The following CNTNAP2 variants were observed in gnomAD, a reference collection of about 807,000 sequenced individuals.
The protein encoded by CNTNAP2 is contactin associated protein 2, also known as contactin-associated protein-like 2.
CNTNAP2 carries 98 observed loss-of-function variants against 155.2 expected under a neutral mutation model. The ratio of observed to expected loss-of-function variants is 0.63; its 90% confidence interval spans 0.54 to 0.75. The LOEUF (loss-of-function observed/expected upper bound fraction) is 0.75, where lower values mean the gene tolerates loss of function less well. Ranked by LOEUF, CNTNAP2 falls within the 30% of genes least tolerant of loss-of-function variation. CNTNAP2 has a pLI of 0.00. For missense variants in CNTNAP2, 1,727 were observed against 1,688.1 expected, an observed-to-expected ratio of 1.02 and a Z score of -0.40; for synonymous variants, 651 against 631.2, an observed-to-expected ratio of 1.03 and a Z score of -0.47.
At position 147,126,607 on chromosome 7, in the gene CNTNAP2, G is replaced by A. The variant is rs138311209; in HGVS notation, c.940-2086G>A. Among the ~76,000 whole-genome samples, 1,516 of 152,202 alleles carry A rather than the reference G, an allele frequency of 1.0e-2. 10 individuals carry two copies. The highest frequency in any genetic ancestry group is 0.015 in the Non-Finnish European group (993 of 68,012). On this transcript the variant is annotated intron_variant, in intron 6 of 23. Transcript: ENST00000361727. ...TCCTGTTTCAGCCTCCCAAATAGCTGGGATTACAGGCATGCACCACCACGC... is the reference window on the plus strand; with the variant it reads ...TCCTGTTTCAGCCTCCCAAATAGCTAGGATTACAGGCATGCACCACCACGC...
intron 1 of CNTNAP2, among the ~76,000 whole-genome samples, chr7:146,166,136 C>A (rs963696334): frequency 2.6e-5 from 4 of 152,108 alleles, no homozygotes; most frequent in Non-Finnish European, 5.9e-5. Context: ...TCTTGTTGCC[C>A]AGGCTGGAGT....
At chr7:146,915,222 G>T (rs372147549) in intron 3 of CNTNAP2, among the ~76,000 whole-genome samples, 1 of 152,076 alleles carries the variant, frequency 6.6e-6, no homozygotes. Flanking sequence ...TGGCCTTATA[G>T]TATAGGTTGA....
At chr7:146,473,491 C>A (rs944863729) in intron 1 of CNTNAP2, among the ~76,000 whole-genome samples, 2 of 152,012 alleles carry the variant, frequency 1.3e-5, no homozygotes, top group Non-Finnish European at 2.9e-5. Flanking sequence ...CTCAGGAAAC[C>A]AAATAACTCA....
intron 21 of CNTNAP2, among the ~76,000 whole-genome samples, chr7:148,303,488 A>C (rs1797431675): frequency 6.6e-6 from 1 of 152,324 alleles, no homozygotes; most frequent in East Asian, 1.9e-4. Flanking sequence ...CTGCTAGTAC[A>C]TAAGTCCCTC....
chr7:146,638,044 G>T (rs554392199), intron 1 of CNTNAP2, among the ~76,000 whole-genome samples: 110 of 152,248 alleles, frequency 7.2e-4, no homozygotes, highest in African/African-American at 2.6e-3. Flanking sequence ...CCCATGCTGT[G>T]TAGGCAGGTT....
intron 1 of CNTNAP2, among the ~76,000 whole-genome samples, chr7:146,295,888 CAAAG>C (rs752023768): frequency 1.4e-5 from 2 of 145,192 alleles, no homozygotes; most frequent in Non-Finnish European, 3.0e-5. Flanking sequence ...AAAAAAAAAA[CAAAG>C]AAAAGAAAAA....
At chr7:148,323,950 C>T (rs1797845753) in intron 21 of CNTNAP2, among the ~76,000 whole-genome samples, 1 of 144,182 alleles carries the variant, frequency 6.9e-6, no homozygotes, top group South Asian at 2.2e-4. Flanking sequence ...GTGGTACAAT[C>T]TCGGCTCACT....
intron 1 of CNTNAP2, among the ~76,000 whole-genome samples, chr7:146,613,629 A>C (rs1434993530): frequency 6.6e-6 from 1 of 152,208 alleles, no homozygotes; most frequent in Non-Finnish European, 1.5e-5. Context: ...CAATATGAGA[A>C]CTATAGGTAG....
At chr7:146,885,085 T>C (rs1256979740) in intron 3 of CNTNAP2, among the ~76,000 whole-genome samples, 1 of 152,178 alleles carries the variant, frequency 6.6e-6, no homozygotes, top group Non-Finnish European at 1.5e-5. Flanking sequence ...ACATGTTAGA[T>C]GAGTTATGTT....
intron 1 of CNTNAP2, among the ~76,000 whole-genome samples, chr7:146,501,691 G>A (rs1797302455): frequency 6.6e-6 from 1 of 151,984 alleles, no homozygotes; most frequent in African/African-American, 2.4e-5. Context: ...CAGAACCTGT[G>A]ACTGTGAAGC....
chr7:146,820,817 C>G (rs1029151759), intron 2 of CNTNAP2, among the ~76,000 whole-genome samples: 1 of 152,176 alleles, frequency 6.6e-6, no homozygotes, highest in African/African-American at 2.4e-5. Flanking sequence ...CTGTAGGTCA[C>G]TAAGGACTTC....
intron 1 of CNTNAP2, among the ~76,000 whole-genome samples, chr7:146,138,425 G>T (rs1797828463): frequency 6.6e-6 from 1 of 152,054 alleles, no homozygotes. Flanking sequence ...ATGTTACTAT[G>T]TAGATTTCCT....
At chr7:147,463,289 A>T (rs140243578) in intron 10 of CNTNAP2, among the ~76,000 whole-genome samples, 18 of 152,340 alleles carry the variant, frequency 1.2e-4, no homozygotes, top group Admixed American at 3.3e-4. Flanking sequence ...AGGAACTATT[A>T]AAAACAGATG....
intron 4 of CNTNAP2, among the ~76,000 whole-genome samples, chr7:147,071,862 A>G (rs1426522471): frequency 5.9e-5 from 9 of 152,234 alleles, no homozygotes; most frequent in Admixed American, 5.9e-4. Flanking sequence ...TTGTTTGGTC[A>G]TAATAACAAT....
intron 3 of CNTNAP2, among the ~76,000 whole-genome samples, chr7:147,002,944 C>CAAAAAAA (rs773401142): frequency 1.2e-3 from 61 of 52,748 alleles, no homozygotes; most frequent in East Asian, 1.6e-3. Flanking sequence ...ATGTTCCTTC[C>CAAAAAAA]AAAAAAAAAA....
At position 146,251,300 on chromosome 7, in the gene CNTNAP2, ATACAAGT is replaced by A. The variant is rs1282608626; in HGVS notation, c.97+134333_97+134339del. Among the ~76,000 whole-genome samples the A allele has an allele frequency of 2.7e-4, 41 of 152,240 alleles. No homozygotes were observed. The East Asian group carries it at 7.5e-3, about 28-fold the overall frequency. ...AAATAAATTTTGTTATCTTAATTTT[ATACAAGT>A]TACAATTATATTATTGTTAATGACA... On this transcript the variant is annotated intron_variant, in intron 1 of 23. Transcript: ENST00000361727.
chr7:146,458,532 C>T (rs1230563295), intron 1 of CNTNAP2, among the ~76,000 whole-genome samples: 1 of 152,100 alleles, frequency 6.6e-6, no homozygotes, highest in African/African-American at 2.4e-5. Flanking sequence ...TTATGTGGTA[C>T]AATTTTTGTG....
intron 9 of CNTNAP2, among the ~76,000 whole-genome samples, chr7:147,329,718 G>A (rs1795522569): frequency 6.7e-6 from 1 of 148,996 alleles, no homozygotes; most frequent in African/African-American, 2.4e-5. Flanking sequence ...TTCTTACTTA[G>A]TATATCTCAA....
rs139285722 is a variant in CNTNAP2 at position 146,919,720 on chromosome 7, G to A, written c.402+79816G>A. 2.6e-3 allele frequency among the ~76,000 whole-genome samples: 399 copies of A among 152,310 alleles called. 1 individual carries two copies. The highest frequency in any genetic ancestry group is 8.1e-3 in the African/African-American group (338 of 41,574). On this transcript the variant is annotated intron_variant, in intron 3 of 23. Transcript: ENST00000361727. ...ACATCAGCTAAGGCAGTATAAGGAG[G>A]ATCAGGCAGTGGGCGGGGCATACAG...
Sources: gnomAD v4.1 joint callset for allele counts (sites outside exome capture counted in the v4.1 genomes callset) on GRCh38, gnomAD v4.1.1 for gene constraint, MANE v1.5 for transcripts, NCBI Gene and HGNC (gene_info 2026-07-23, HGNC 2026-07-21) for gene names.